Variants in CCDC138 observed in about 807,000 individuals in gnomAD.
CCDC138 encodes the protein coiled-coil domain containing 138.
In CCDC138, 66 loss-of-function variants were observed where a neutral mutation model predicts 82.3. The observed-to-expected ratio is 0.80, with a 90% confidence interval of 0.66 to 0.98. The LOEUF is 0.98. Among genes scored for constraint, CCDC138 ranks in the 50% least tolerant of loss-of-function variants. The pLI is 0.00. For missense variants in CCDC138, 816 were observed against 758.9 expected, an observed-to-expected ratio of 1.08 and a Z score of -0.88; for synonymous variants, 297 against 265.4, an observed-to-expected ratio of 1.12 and a Z score of -1.16.
At chr2:108,842,635 C>T (rs749274955) in intron 11 of CCDC138, among the ~76,000 whole-genome samples, 3 of 152,082 alleles carry the variant, frequency 2.0e-5, no homozygotes, top group Non-Finnish European at 2.9e-5. Flanking sequence ...CGGGCTTCAT[C>T]TAGCTATTCC....
At chr2:108,834,214 AT>A (rs111563636) in intron 10 of CCDC138, among the ~76,000 whole-genome samples, 2,095 of 139,546 alleles carry the variant, frequency 0.015, 19 homozygotes, top group Non-Finnish European at 0.024. Context: ...CATCTTTGAA[AT>A]TTTTTTTTTT....
At chr2:108,803,451 A>G (rs903582835) in intron 6 of CCDC138, among the ~76,000 whole-genome samples, 2 of 152,004 alleles carry the variant, frequency 1.3e-5, no homozygotes, top group Non-Finnish European at 2.9e-5. Context: ...ATTTTTTTTT[A>G]ATTGTTTTAG....
At chr2:108,798,852 C>CACACACA (rs746855718) in intron 6 of CCDC138, among the ~76,000 whole-genome samples, 2 of 150,006 alleles carry the variant, frequency 1.3e-5, no homozygotes, top group Non-Finnish European at 1.5e-5. Flanking sequence ...CACACACACA[C>CACACACA]ATTTTTTCTG....
intron 11 of CCDC138, among the ~76,000 whole-genome samples, chr2:108,840,811 T>C (rs1410941510): frequency 6.6e-6 from 1 of 151,894 alleles, no homozygotes. Flanking sequence ...TTTCTTTTTT[T>C]CTTTTTATTT....
At chr2:108,819,667 C>A (rs1050851811) in intron 10 of CCDC138, among the ~76,000 whole-genome samples, 2 of 152,196 alleles carry the variant, frequency 1.3e-5, no homozygotes, top group African/African-American at 4.8e-5. Flanking sequence ...CCCAAAACCT[C>A]TAACTGGGCT....
downstream of CCDC138, among the ~76,000 whole-genome samples, chr2:108,881,015 G>A (rs1422719524): frequency 1.3e-5 from 2 of 152,224 alleles, no homozygotes. Flanking sequence ...GAATGACTTT[G>A]AGGGGTTTAA....
chr2:108,797,567 C>A (rs984623756), intron 5 of CCDC138, among the ~76,000 whole-genome samples: 11 of 152,000 alleles, frequency 7.2e-5, no homozygotes, highest in Admixed American at 4.6e-4. Flanking sequence ...GATTTTAGTT[C>A]AGATGGGGTG....
intron 7 of CCDC138, among the ~76,000 whole-genome samples, chr2:108,810,225 C>T (rs1683565641): frequency 6.6e-6 from 1 of 152,132 alleles, no homozygotes; most frequent in African/African-American, 2.4e-5. Flanking sequence ...TGTTCTAGTT[C>T]TTAGAGGAAA....
chr2:108,812,798 T>A, intron 8 of CCDC138, 22 bp from the exon 9 acceptor site: 1 of 1,611,762 alleles, frequency 6.2e-7, no homozygotes, highest in Non-Finnish European at 8.5e-7. Flanking sequence ...GTTCTTTAAT[T>A]CACGCATATA....
intron 13 of CCDC138, among the ~76,000 whole-genome samples, chr2:108,860,454 A>G (rs1429857420): frequency 1.3e-5 from 2 of 151,350 alleles, no homozygotes; most frequent in South Asian, 2.1e-4. Flanking sequence ...ATTAAATATG[A>G]TATTGACTGT....
downstream of CCDC138, among the ~76,000 whole-genome samples, chr2:108,878,921 C>T (rs1002334674): frequency 6.6e-6 from 1 of 151,926 alleles, no homozygotes; most frequent in African/African-American, 2.4e-5. Context: ...ATTCTCAAAA[C>T]ACTGAAAAAG....
chr2:108,800,426 G>C (rs866753827), intron 6 of CCDC138, among the ~76,000 whole-genome samples: 1 of 151,580 alleles, frequency 6.6e-6, no homozygotes, highest in Admixed American at 6.6e-5. Flanking sequence ...CACCATGCCC[G>C]GCTAATTTTT....
intron 12 of CCDC138, among the ~76,000 whole-genome samples, chr2:108,851,979 A>G (rs973949432): frequency 6.6e-6 from 1 of 152,212 alleles, no homozygotes; most frequent in Non-Finnish European, 1.5e-5. Context: ...TTTAGCCTCT[A>G]TCAATTGCTG....
At chr2:108,791,392 CAA>C (rs1420935917) in intron 3 of CCDC138, among the ~76,000 whole-genome samples, 1 of 151,982 alleles carries the variant, frequency 6.6e-6, no homozygotes, top group African/African-American at 2.4e-5. Context: ...TATTGGGAGT[CAA>C]AATAAAGTGT....
rs35532506 is a variant in CCDC138 at position 108,876,499 on chromosome 2, CTT to C, written c.*250_*251del. On this transcript the variant is annotated 3_prime_UTR_variant, in exon 15 of 15. Coordinates refer to ENST00000295124, the MANE Select transcript of CCDC138 (RefSeq NM_144978.3). ...TCTAGAATGTATGACACTGAAGTGACTTTTTGTAAAAATATATTAGGAAAATT... is the reference window on the plus strand; with the variant it reads ...TCTAGAATGTATGACACTGAAGTGACTTTGTAAAAATATATTAGGAAAATT... 1.4e-5 allele frequency: 4 copies of C among 276,140 alleles called. No individual in the cohort carries two copies. The highest frequency in any genetic ancestry group is 2.2e-5 in the African/African-American group (1 of 45,780). 17.1% of individuals were successfully genotyped at this position (276,140 alleles called of 1,614,324 possible). A position where few individuals can be genotyped will look rare whatever the true frequency, so the allele number is the denominator to read the frequency against.
intron 13 of CCDC138, among the ~76,000 whole-genome samples, chr2:108,871,523 G>A (rs1695252556): frequency 1.3e-5 from 2 of 152,052 alleles, no homozygotes; most frequent in South Asian, 4.1e-4. Flanking sequence ...CTGCACTCCA[G>A]CCTGGGCAAC....
chr2:108,802,597 T>C (rs921481250), intron 6 of CCDC138, among the ~76,000 whole-genome samples: 1 of 141,938 alleles, frequency 7.0e-6, no homozygotes, highest in African/African-American at 2.7e-5. Flanking sequence ...TGACTTCCTC[T>C]TTTCCTAACT....
In CCDC138 at chr2:108,876,194, A is replaced by G. The variant is rs1696005470; in HGVS notation, c.1939A>G (p.Thr647Ala). The G allele has an allele frequency of 1.2e-6, 2 of 1,613,120 alleles. No homozygotes were observed. The highest frequency in any genetic ancestry group is 4.5e-5 in the East Asian group (2 of 44,806). The change falls in exon 15 of 15, where the codon ACT (threonine) becomes GCT (alanine). Residue 647 changes from threonine (T) to alanine (A), a missense_variant. Physicochemically the swap from Thr to Ala is moderately conservative, Grantham distance 58. Coordinates refer to ENST00000295124, the MANE Select transcript of CCDC138 (RefSeq NM_144978.3). Reference protein sequence around the residue: ...HAFLCINLNSTLFNLGLTKCN... With the variant: ...HAFLCINLNSALFNLGLTKCN... Reference sequence around the variant, plus strand: ...ATTTCTCTGTATTAATCTAAATTCAACTCTGTTCAATCTGGGTTTAACAAA... The same window carrying G: ...ATTTCTCTGTATTAATCTAAATTCAGCTCTGTTCAATCTGGGTTTAACAAA...
At chr2:108,867,211 A>G (rs1478518) in intron 13 of CCDC138, among the ~76,000 whole-genome samples, 10,574 of 152,224 alleles carry the variant, frequency 0.069, 469 homozygotes, top group South Asian at 0.15. Flanking sequence ...CAGGGCAGTG[A>G]TAAGAGGAAT....
Sources: gnomAD v4.1 joint callset for allele counts (sites outside exome capture counted in the v4.1 genomes callset) on GRCh38, gnomAD v4.1.1 for gene constraint, MANE v1.5 for transcripts, NCBI Gene and HGNC (gene_info 2026-07-23, HGNC 2026-07-21) for gene names.